ATRNL1: variants seen among roughly 807,000 people sequenced by gnomAD.
The protein encoded by ATRNL1 is attractin-like protein 1.
ATRNL1 carries 95 observed loss-of-function variants against 182.7 expected under a neutral mutation model. The ratio of observed to expected loss-of-function variants is 0.52; its 90% CI spans 0.44 to 0.62. The LOEUF (loss-of-function observed/expected upper bound fraction) is 0.62. ATRNL1 is among the 20% of genes least tolerant of loss of function. ATRNL1 has a pLI of 0.00. For synonymous variants in ATRNL1, 576 were observed against 568.3 expected (o/e 1.01, Z -0.19); for missense variants, 1,471 against 1,679.5 (o/e 0.88, Z 2.17).
At chr10:115,276,096 G>A (rs964570605) in intron 13 of ATRNL1, among the ~76,000 whole-genome samples, 30 of 151,970 alleles carry the variant, frequency 2.0e-4, no homozygotes, top group African/African-American at 7.3e-4. Flanking sequence ...TAGTAGATTT[G>A]GTATCTGGTG....
intron 25 of ATRNL1, among the ~76,000 whole-genome samples, chr10:115,526,588 A>G (rs1554986603): frequency 1.3e-5 from 2 of 152,074 alleles, no homozygotes; most frequent in Non-Finnish European, 2.9e-5. Flanking sequence ...TCTGCCAGGA[A>G]CTGTGTTCCA....
chr10:115,728,098 A>T (rs1234851230), intron 27 of ATRNL1, among the ~76,000 whole-genome samples: 2 of 140,116 alleles, frequency 1.4e-5, no homozygotes, highest in African/African-American at 5.3e-5. Flanking sequence ...ACATGGTGAA[A>T]CCCCGTCTCT....
At chr10:115,804,878 T>C (rs1193346869) in intron 27 of ATRNL1, among the ~76,000 whole-genome samples, 4 of 152,228 alleles carry the variant, frequency 2.6e-5, no homozygotes, top group Non-Finnish European at 4.4e-5. Context: ...TATATCTTAA[T>C]TTCTTTTAAA....
chr10:115,751,264 C>A (rs1948440361), intron 27 of ATRNL1, among the ~76,000 whole-genome samples: 1 of 152,036 alleles, frequency 6.6e-6, no homozygotes, highest in African/African-American at 2.4e-5. Flanking sequence ...AATGGATTTT[C>A]TCCTGGAGCC....
At chr10:115,578,185 G>A (rs900446926) in intron 26 of ATRNL1, among the ~76,000 whole-genome samples, 1 of 151,732 alleles carries the variant, frequency 6.6e-6, no homozygotes, top group African/African-American at 2.4e-5. Context: ...TTGCATGTAT[G>A]TTTAGCAGCA....
At chr10:115,170,563 A>G (rs1208404421) in intron 7 of ATRNL1, among the ~76,000 whole-genome samples, 3 of 148,844 alleles carry the variant, frequency 2.0e-5, no homozygotes, top group Non-Finnish European at 2.9e-5. Flanking sequence ...CAAAGCTACT[A>G]GGGACTCAGA....
chr10:115,389,538 G>GTATATATA (rs1270489896), intron 19 of ATRNL1, among the ~76,000 whole-genome samples: 3 of 51,414 alleles, frequency 5.8e-5, no homozygotes, highest in African/African-American at 1.0e-4. Context: ...AAATGTGTAT[G>GTATATATA]TGTATATATA....
At chr10:115,122,375 C>T (rs1291598697) in intron 3 of ATRNL1, among the ~76,000 whole-genome samples, 2 of 151,548 alleles carry the variant, frequency 1.3e-5, no homozygotes, top group Non-Finnish European at 3.0e-5. Context: ...AAAATCTTTT[C>T]TTGTGTATGT....
intron 26 of ATRNL1, among the ~76,000 whole-genome samples, chr10:115,674,595 A>C (rs1945802798): frequency 6.6e-6 from 1 of 152,124 alleles, no homozygotes; most frequent in Non-Finnish European, 1.5e-5. Context: ...AGGACCTCCG[A>C]GTCTACTGAT....
intron 26 of ATRNL1, among the ~76,000 whole-genome samples, chr10:115,616,841 G>C (rs1857452228): frequency 6.6e-6 from 1 of 152,238 alleles, no homozygotes; most frequent in Non-Finnish European, 1.5e-5. Context: ...GTGTGAGAAA[G>C]CCTGGATGGC....
chr10:115,206,843 C>T (rs187079155), intron 8 of ATRNL1, among the ~76,000 whole-genome samples: 3 of 152,260 alleles, frequency 2.0e-5, no homozygotes, highest in Non-Finnish European at 4.4e-5. Context: ...TCCAGCCCCT[C>T]ACCTGCCGAC....
intron 26 of ATRNL1, among the ~76,000 whole-genome samples, chr10:115,658,687 T>C (rs1223987887): frequency 1.3e-5 from 2 of 152,118 alleles, no homozygotes; most frequent in Non-Finnish European, 2.9e-5. Flanking sequence ...AAGGTATTTA[T>C]TCCCTCTGCC....
chr10:115,545,947 A>C (rs536971283), intron 25 of ATRNL1, among the ~76,000 whole-genome samples: 6 of 152,220 alleles, frequency 3.9e-5, no homozygotes, highest in Non-Finnish European at 8.8e-5. Flanking sequence ...AACCTTAGAC[A>C]GTTTACTTCA....
At chr10:115,698,182 TAAG>T (rs141718122) in intron 26 of ATRNL1, among the ~76,000 whole-genome samples, 4,492 of 151,990 alleles carry the variant, frequency 0.03, 231 homozygotes, top group African/African-American at 0.1. Flanking sequence ...TAAATAATAA[TAAG>T]AAGAAATGTA....
intron 25 of ATRNL1, among the ~76,000 whole-genome samples, chr10:115,524,735 G>A (rs1290730469): frequency 2.0e-5 from 3 of 152,184 alleles, no homozygotes; most frequent in Non-Finnish European, 2.9e-5. Flanking sequence ...AAAGAGTGGG[G>A]AAATGACCAA....
intron 27 of ATRNL1, among the ~76,000 whole-genome samples, chr10:115,772,960 A>C (rs1414514846): frequency 6.6e-6 from 1 of 152,186 alleles, no homozygotes. Flanking sequence ...TGAGGCAAAA[A>C]TCAACCACAG....
intron 27 of ATRNL1, among the ~76,000 whole-genome samples, chr10:115,778,892 G>A (rs548551358): frequency 6.6e-6 from 1 of 152,134 alleles, no homozygotes; most frequent in Non-Finnish European, 1.5e-5. Flanking sequence ...GAGGATAAAG[G>A]GATATAACCT....
intron 20 of ATRNL1, among the ~76,000 whole-genome samples, chr10:115,398,144 A>C (rs571462961): frequency 6.1e-4 from 92 of 152,034 alleles, no homozygotes; most frequent in African/African-American, 1.6e-3. Context: ...CCCTTCCACC[A>C]GTTGCTCAGG....
At chr10:115,196,160 T>G (rs1201094731) in intron 8 of ATRNL1, among the ~76,000 whole-genome samples, 1 of 149,246 alleles carries the variant, frequency 6.7e-6, no homozygotes, top group African/African-American at 2.6e-5. Context: ...GGCAAAACCC[T>G]GTGCCTGAAT....
Sources: allele counts gnomAD v4.1 joint callset (sites outside exome capture counted in the v4.1 genomes callset), GRCh38; gene constraint gnomAD v4.1.1; transcripts MANE v1.5; gene names NCBI Gene and HGNC (gene_info 2026-07-23, HGNC 2026-07-21).